PDZD8: variants seen among roughly 807,000 people sequenced by gnomAD.
The protein encoded by PDZD8 is PDZ domain containing 8, also known as PDZ domain-containing protein 8.
Under a neutral mutation model 85.8 loss-of-function variants are expected in PDZD8, and 14 were observed. The observed-to-expected ratio is 0.16, with a 90% CI of 0.11 to 0.26. The LOEUF (loss-of-function observed/expected upper bound fraction) is 0.26. Among genes scored for constraint, PDZD8 ranks in the 10% least tolerant of loss-of-function variants. The probability of loss-of-function intolerance (pLI) is 1.00; values close to 1 mark genes in which losing one functional copy is unlikely to be tolerated. For missense variants in PDZD8, 1,197 were observed against 1,424.3 expected, an observed-to-expected ratio of 0.84 and a Z score of 2.57; for synonymous variants, 592 against 568.6, an observed-to-expected ratio of 1.04 and a Z score of -0.59.
At position 117,375,064 on chromosome 10, in the gene PDZD8, A is replaced by C. The variant is rs1203020332; in HGVS notation, c.164T>G (p.Leu55Arg). 1 of 1,600,082 alleles carries C rather than the reference A, an allele frequency of 6.2e-7. No homozygotes were observed. The highest frequency in any genetic ancestry group is 8.5e-7 in the Non-Finnish European group (1 of 1,176,496). The change falls in exon 1 of 5, where the codon CTC becomes CGC. Residue 55 changes from leucine (L) to arginine (R), a missense_variant. Leu to Arg is a moderately radical substitution (Grantham distance 102, BLOSUM62 -2). Around this residue, in one of 4 missense-constraint regions of PDZD8, gnomAD observed 172 missense variants for 137.8 expected, o/e 1.25. Transcript: ENST00000334464. ...FRYIKPVPGLLLREYLYGGGR... is the reference protein window; with the variant it reads ...FRYIKPVPGLRLREYLYGGGR... ...GCCGCCATAAAGGTACTCCCTTAGG[A>C]GCAGGCCCGGCACTGGCTTGATGTA...
Position 117,340,421 on chromosome 10 carries a change from G to T in PDZD8, c.995+559C>A, listed in dbSNP as rs537171238. Among the ~76,000 whole-genome samples, 76 of 152,240 alleles carry T rather than the reference G, an allele frequency of 5.0e-4. 1 individual carries two copies. The South Asian group carries it at 0.016, about 32-fold the overall frequency. On this transcript the variant is annotated intron_variant, in intron 2 of 4. Coordinates refer to ENST00000334464, the MANE Select transcript of PDZD8 (RefSeq NM_173791.5). ...GTCTGATCACCCTGGACTGTTTTTA[G>T]CAAGAATCCTGTTAGGTCGGTTTAG...
In PDZD8 at chr10:117,374,955, C is replaced by T. The variant is rs945559471; in HGVS notation, c.273G>A (p.Thr91=). The part of the protein sequence containing the change: ...TAAPETPAPP[T]RETCYFLNAT... ...CGTTGAGGAAGTAGCAAGTCTCCCG[C>T]GTCGGCGGGGCGGGGGTCTCGGGGG... The change falls in exon 1 of 5, where the codon ACG becomes ACA. Residue 91 remains threonine, a synonymous_variant. Transcript: ENST00000334464. This position sits in a 1 kb window ranked among gnomAD's most constrained non-coding sequence, Gnocchi z 7.8. 1.9e-6 allele frequency: 3 copies of T among 1,610,374 alleles called. No homozygotes were observed. Among genetic ancestry groups the T allele is most frequent in the Admixed American group, 1.7e-5 (1 of 59,790 alleles).
intron 2 of PDZD8, among the ~76,000 whole-genome samples, chr10:117,327,500 T>C (rs2133823567): frequency 6.6e-6 from 1 of 152,348 alleles, no homozygotes; most frequent in East Asian, 1.9e-4. Context: ...GCTTTAATCT[T>C]TACCAAGAAG....
At chr10:117,354,806 C>T (rs1010095315) in intron 1 of PDZD8, among the ~76,000 whole-genome samples, 1 of 152,168 alleles carries the variant, frequency 6.6e-6, no homozygotes, top group Non-Finnish European at 1.5e-5. Context: ...TTCTCCTACA[C>T]CAAATATATA....
intron 2 of PDZD8, among the ~76,000 whole-genome samples, chr10:117,328,896 T>C (rs1844365690): frequency 6.6e-6 from 1 of 152,210 alleles, no homozygotes; most frequent in Non-Finnish European, 1.5e-5. Context: ...TTGACTGATA[T>C]CTCCTCTTGG....
At chr10:117,334,424 G>A (rs565440919) in intron 2 of PDZD8, among the ~76,000 whole-genome samples, 7 of 152,080 alleles carry the variant, frequency 4.6e-5, no homozygotes, top group Non-Finnish European at 7.4e-5. Flanking sequence ...CGGGAGGATC[G>A]CTTGAGCCCA....
chr10:117,349,864 ATAGT>A (rs1301509708), intron 1 of PDZD8, among the ~76,000 whole-genome samples: 1 of 152,194 alleles, frequency 6.6e-6, no homozygotes, highest in Non-Finnish European at 1.5e-5. Context: ...TGAATGGAAA[ATAGT>A]TAATATAACT....
At chr10:117,323,036 G>T (rs1844254444) in intron 2 of PDZD8, among the ~76,000 whole-genome samples, 1 of 152,140 alleles carries the variant, frequency 6.6e-6, no homozygotes, top group Admixed American at 6.5e-5. Flanking sequence ...ACTTTCACAT[G>T]TATGAGTATT....
At chr10:117,349,403 T>C (rs1844761811) in intron 1 of PDZD8, among the ~76,000 whole-genome samples, 2 of 152,226 alleles carry the variant, frequency 1.3e-5, no homozygotes, top group Non-Finnish European at 2.9e-5. Context: ...AACATAAATC[T>C]GCATATTAGA....
intron 1 of PDZD8, among the ~76,000 whole-genome samples, chr10:117,349,464 G>C (rs1686492541): frequency 6.6e-6 from 1 of 152,144 alleles, no homozygotes; most frequent in South Asian, 2.1e-4. Context: ...TAAAAACACA[G>C]ACCAAGGAAG....
At chr10:117,332,481 T>C (rs56821604) in intron 2 of PDZD8, among the ~76,000 whole-genome samples, 2,553 of 146,582 alleles carry the variant, frequency 0.017, 61 homozygotes, top group African/African-American at 0.06. Flanking sequence ...AGAACCAAAA[T>C]AATTTTTATT....
At chr10:117,342,200 A>C (rs1844625052) in intron 1 of PDZD8, among the ~76,000 whole-genome samples, 1 of 152,220 alleles carries the variant, frequency 6.6e-6, no homozygotes, top group African/African-American at 2.4e-5. Context: ...GCTGAGTTAT[A>C]AACTGTAGGT....
At chr10:117,342,029 A>ACT (rs1262587007) in intron 1 of PDZD8, among the ~76,000 whole-genome samples, 1 of 152,186 alleles carries the variant, frequency 6.6e-6, no homozygotes, top group Non-Finnish European at 1.5e-5. Flanking sequence ...GAAGCTTAGG[A>ACT]AGGTTAACAA....
chr10:117,370,544 A>G (rs977617661), intron 1 of PDZD8, among the ~76,000 whole-genome samples: 2 of 152,222 alleles, frequency 1.3e-5, no homozygotes, highest in South Asian at 2.1e-4. Flanking sequence ...TTAGATAGCT[A>G]AAAAAGAATA....
chr10:117,304,953 G>A (rs1843909836), intron 3 of PDZD8, among the ~76,000 whole-genome samples: 1 of 152,084 alleles, frequency 6.6e-6, no homozygotes, highest in South Asian at 2.1e-4. Flanking sequence ...TGGACACTGG[G>A]TCTGCTGATG....
At chr10:117,312,009 G>A (rs1485167893) in intron 3 of PDZD8, among the ~76,000 whole-genome samples, 1 of 152,004 alleles carries the variant, frequency 6.6e-6, no homozygotes, top group Non-Finnish European at 1.5e-5. Context: ...GGCTTTCCCA[G>A]TTCACTCCTA....
At chr10:117,313,413 G>A (rs367706768) in intron 3 of PDZD8, among the ~76,000 whole-genome samples, 4 of 152,152 alleles carry the variant, frequency 2.6e-5, no homozygotes, top group African/African-American at 9.6e-5. Context: ...TTTTTACAGT[G>A]TCCACTAGAA....
Position 117,277,388 on chromosome 10 carries a change from G to GTTA in PDZD8, c.*5877_*5879dup. The stretch of plus-strand genomic sequence containing the variant: ...CCCTGGTGAAAGAGTAAAACCAAAG[G>GTTA]TTATTATTTCCTTTCCATGGTTATG... On this transcript the variant is annotated 3_prime_UTR_variant, in exon 5 of 5. Coordinates refer to ENST00000334464, the MANE Select transcript of PDZD8 (RefSeq NM_173791.5). 5.6e-6 allele frequency: 3 copies of GTTA among 537,140 alleles called. No individual in the cohort carries two copies. Among genetic ancestry groups the GTTA allele is most frequent in the South Asian group, 3.2e-5 (1 of 31,224 alleles). 33.3% of individuals were successfully genotyped at this position (537,140 alleles called of 1,614,324 possible).
chr10:117,341,169 C>T, intron 1 of PDZD8, 67 bp from the exon 2 acceptor site: 1 of 1,523,626 alleles, frequency 6.6e-7, no homozygotes. Context: ...CATAACAAAA[C>T]TCACCTGTAC....
Sources: allele counts gnomAD v4.1 joint callset (sites outside exome capture counted in the v4.1 genomes callset), GRCh38; gene constraint gnomAD v4.1.1; regional missense constraint gnomAD v4.1.1; non-coding constraint Gnocchi (gnomAD v3.1); transcripts MANE v1.5; gene names NCBI Gene and HGNC (gene_info 2026-07-23, HGNC 2026-07-21).